SAG: variants seen among roughly 807,000 people sequenced by gnomAD.
SAG encodes the protein S-arrestin.
A neutral mutation model predicts 55.0 loss-of-function variants in SAG; 45 were observed. The observed-to-expected ratio is 0.82, with a 90% CI of 0.64 to 1.05. The LOEUF (loss-of-function observed/expected upper bound fraction) is 1.05. SAG is among the 50% of genes least tolerant of loss of function. The pLI, the probability that SAG is intolerant of heterozygous loss-of-function variation, is 0.00. For missense variants in SAG, 455 were observed against 512.1 expected, an observed-to-expected ratio of 0.89 and a Z score of 1.08; for synonymous variants, 189 against 197.4, an observed-to-expected ratio of 0.96 and a Z score of 0.36.
intron 2 of SAG, among the ~76,000 whole-genome samples, chr2:233,314,212 A>G (rs1700157044): frequency 2.1e-5 from 3 of 142,864 alleles, no homozygotes; most frequent in Admixed American, 1.4e-4. Flanking sequence ...ACAGAATGAG[A>G]CCTTGTCTCA....
At chr2:233,330,534 TTCCTTC>T (rs1360616877) in intron 9 of SAG, among the ~76,000 whole-genome samples, 31 of 148,020 alleles carry the variant, frequency 2.1e-4, no homozygotes, top group African/African-American at 6.6e-4. Context: ...CCTTCCTTCC[TTCCTTC>T]CTCCCTTTCT....
At chr2:233,326,586 CAAAAAA>C (rs35383170) in intron 6 of SAG, among the ~76,000 whole-genome samples, 2 of 123,656 alleles carry the variant, frequency 1.6e-5, no homozygotes, top group African/African-American at 6.0e-5. Flanking sequence ...ACTCCATCTC[CAAAAAA>C]AAAAAAAAAA....
At chr2:233,325,909 T>C (rs890997911) in intron 6 of SAG, among the ~76,000 whole-genome samples, 3 of 152,184 alleles carry the variant, frequency 2.0e-5, no homozygotes, top group African/African-American at 7.2e-5. Flanking sequence ...GGCCGGCTGA[T>C]GGCAGGGAAG....
At chr2:233,325,047 A>G (rs1700505882) in intron 6 of SAG, among the ~76,000 whole-genome samples, 1 of 152,004 alleles carries the variant, frequency 6.6e-6, no homozygotes, top group Non-Finnish European at 1.5e-5. Context: ...CCAACATGGC[A>G]AAACCCCGTC....
At chr2:233,334,772 C>T in intron 10 of SAG, 190 bp from the exon 11 acceptor site, 1 of 599,762 alleles carries the variant, frequency 1.7e-6, no homozygotes, top group Non-Finnish European at 3.0e-6. Context: ...CTGTTGCTGC[C>T]AGCCCACCCT....
intron 6 of SAG, among the ~76,000 whole-genome samples, chr2:233,325,097 G>A (rs1420230754): frequency 6.6e-6 from 1 of 151,796 alleles, no homozygotes; most frequent in Non-Finnish European, 1.5e-5. Context: ...ATGGTGGCGC[G>A]TGCCTGTAAT....
In SAG at chr2:233,326,090, T is replaced by C. The variant is rs112686488; in HGVS notation, c.436-1031T>C. ...TGGAGGGCAGGCCGGTGCCCTCCTCTGGCTCCCCAACGCATGTGAACGTGC... is the reference window on the plus strand; with the variant it reads ...TGGAGGGCAGGCCGGTGCCCTCCTCCGGCTCCCCAACGCATGTGAACGTGC... On this transcript the variant is annotated intron_variant, in intron 6 of 15. Coordinates refer to ENST00000409110, the MANE Select transcript of SAG (RefSeq NM_000541.5). Among the ~76,000 whole-genome samples the C allele has an allele frequency of 5.5e-3, 840 of 152,254 alleles. 12 individuals are homozygous for C. Among genetic ancestry groups the C allele is most frequent in the African/African-American group, 0.019 (774 of 41,546 alleles).
intron 8 of SAG, 93 bp downstream of exon 8, chr2:233,328,706 T>A: frequency 7.4e-7 from 1 of 1,345,308 alleles, no homozygotes; most frequent in Non-Finnish European, 1.0e-6. Context: ...CTTAACTACA[T>A]GGGTGCCTTG....
intron 3 of SAG, among the ~76,000 whole-genome samples, chr2:233,318,240 C>A (rs751353586): frequency 6.6e-6 from 1 of 152,154 alleles, no homozygotes; most frequent in Non-Finnish European, 1.5e-5. Flanking sequence ...TCATGGCTCA[C>A]TGCAGCCTTG....
chr2:233,314,961 C>T (rs1402280762), intron 2 of SAG, among the ~76,000 whole-genome samples: 3 of 152,190 alleles, frequency 2.0e-5, no homozygotes, highest in Non-Finnish European at 4.4e-5. Flanking sequence ...ACTTGGCAAA[C>T]ACTGAATCCC....
chr2:233,310,565 A>G (rs938596389), intron 2 of SAG, among the ~76,000 whole-genome samples: 1 of 141,262 alleles, frequency 7.1e-6, no homozygotes, highest in Non-Finnish European at 1.5e-5. Flanking sequence ...GCTGGAGTGC[A>G]GTGGCGTGAT....
intron 7 of SAG, 130 bp from the exon 8 acceptor site, chr2:233,328,348 C>A: frequency 8.5e-7 from 1 of 1,169,790 alleles, no homozygotes; most frequent in Non-Finnish European, 1.2e-6. Context: ...TCGTTGCCCT[C>A]TTCCCGTCCA....
intron 12 of SAG, 116 bp downstream of exon 12, chr2:233,338,869 C>T: frequency 2.4e-6 from 2 of 818,746 alleles, no homozygotes; most frequent in Non-Finnish European, 4.3e-6. Flanking sequence ...TAGCTTCTAC[C>T]AAGGATTACC....
intron 6 of SAG, among the ~76,000 whole-genome samples, chr2:233,326,686 T>G (rs1700569305): frequency 6.6e-6 from 1 of 152,166 alleles, no homozygotes; most frequent in Admixed American, 6.5e-5. Context: ...GGGTCAGGGT[T>G]TCCATACCCT....
At chr2:233,336,522 A>T (rs1265307705) in intron 11 of SAG, among the ~76,000 whole-genome samples, 1 of 151,958 alleles carries the variant, frequency 6.6e-6, no homozygotes, top group African/African-American at 2.4e-5. Context: ...TCAGAAAAAA[A>T]AAAAAACCAA....
intron 3 of SAG, among the ~76,000 whole-genome samples, chr2:233,317,152 G>A (rs577308191): frequency 5.3e-5 from 8 of 152,332 alleles, no homozygotes; most frequent in Non-Finnish European, 1.0e-4. Context: ...GTGAGCCACT[G>A]CACCCAGCAG....
chr2:233,334,478 G>A (rs146353781), intron 10 of SAG: 1 of 154,354 alleles, frequency 6.5e-6, no homozygotes, highest in Non-Finnish European at 1.4e-5. Context: ...TTCGGTCTGT[G>A]TGATCCACAA....
chr2:233,318,902 G>A (rs1277600010), intron 4 of SAG, 107 bp downstream of exon 4: 2 of 955,736 alleles, frequency 2.1e-6, no homozygotes, highest in Admixed American at 1.7e-5. Context: ...GGAAGGCAGA[G>A]GCAGCGCTCT....
intron 2 of SAG, among the ~76,000 whole-genome samples, chr2:233,312,284 C>T (rs1700095713): frequency 6.6e-6 from 1 of 152,172 alleles, no homozygotes. Flanking sequence ...CTCTCCCGTC[C>T]ACTCTGCAGT....
Sources: allele counts gnomAD v4.1 joint callset (sites outside exome capture counted in the v4.1 genomes callset), GRCh38; gene constraint gnomAD v4.1.1; transcripts MANE v1.5; gene names NCBI Gene and HGNC (gene_info 2026-07-23, HGNC 2026-07-21).